Variants in RPAP2 observed in about 807,000 individuals in gnomAD.
RPAP2 encodes putative RNA polymerase II subunit B1 CTD phosphatase RPAP2.
Under a neutral mutation model 73.1 loss-of-function variants are expected in RPAP2, and 52 were observed. The ratio of observed to expected loss-of-function variants is 0.71; its 90% CI spans 0.57 to 0.90. The LOEUF is 0.90. Among genes scored for constraint, RPAP2 ranks in the 40% least tolerant of loss-of-function variants. The pLI, the probability that RPAP2 is intolerant of heterozygous loss-of-function variation, is 0.00. For synonymous variants in RPAP2, 225 were observed against 242.1 expected (o/e 0.93, Z 0.65); for missense variants, 598 against 701.8 (o/e 0.85, Z 1.67).
rs550995977 is a variant in RPAP2, at chr1:92,349,705, A to G, written c.1688+3791A>G. Among the ~76,000 whole-genome samples, 166 of 152,260 alleles carry G rather than the reference A, an allele frequency of 1.1e-3. 1 individual carries two copies. The highest frequency in any genetic ancestry group is 3.3e-3 in the South Asian group (16 of 4,824). The stretch of plus-strand genomic sequence containing the variant: ...CATTTTGGGAGGCTGAGGCAGGAGG[A>G]TTGCTTGAGCCCAGGAGTTGAAGAC... On this transcript the variant is annotated intron_variant, in intron 11 of 12. Transcript: ENST00000610020.
intron 11 of RPAP2, among the ~76,000 whole-genome samples, chr1:92,357,452 G>A (rs1354050333): frequency 6.6e-6 from 1 of 152,216 alleles, no homozygotes; most frequent in African/African-American, 2.4e-5. Flanking sequence ...ACAGATGAGA[G>A]TATTCTAGGA....
intron 10 of RPAP2, among the ~76,000 whole-genome samples, chr1:92,342,398 T>C (rs149836684): frequency 1.3e-5 from 2 of 152,090 alleles, no homozygotes; most frequent in Non-Finnish European, 2.9e-5. Flanking sequence ...AGTAGAGAGA[T>C]ATGTGGTCAG....
Position 92,324,237 on chromosome 1 carries a change from A to G in RPAP2, c.1317A>G (p.Ser439=), listed in dbSNP as rs1164870423. 2 of 1,613,958 alleles carry G rather than the reference A, an allele frequency of 1.2e-6. No homozygotes were observed. Among genetic ancestry groups the G allele is most frequent in the Non-Finnish European group, 1.7e-6 (2 of 1,179,950 alleles). Residue 439 remains serine, a synonymous_variant, in exon 8 of 13, where the codon TCA becomes TCG. Coordinates refer to ENST00000610020, the MANE Select transcript of RPAP2 (RefSeq NM_024813.3). ...SLDESLPFRG[S]GTAIKPLPSY... is the part of the protein sequence containing the mutation. ...ATGAGTCTTTACCTTTTAGGGGCTC[A>G]GGTACAGCCATTAAACCACTGCCAA...
chr1:92,349,280 T>A (rs904867958), intron 11 of RPAP2, among the ~76,000 whole-genome samples: 3 of 152,254 alleles, frequency 2.0e-5, no homozygotes, highest in Admixed American at 6.5e-5. Context: ...GATAATATGT[T>A]CAGTAGAACT....
At chr1:92,365,341 C>T (rs189969523) in intron 11 of RPAP2, among the ~76,000 whole-genome samples, 1 of 152,324 alleles carries the variant, frequency 6.6e-6, no homozygotes, top group Admixed American at 6.5e-5. Context: ...AACACAGCTT[C>T]ACATCAGTTG....
Position 92,390,455 on chromosome 1 carries a change from G to A in RPAP2, c.*3444G>A, listed in dbSNP as rs1262659124. 6.6e-6 allele frequency: 1 copy of A among 152,170 alleles called. No homozygotes were observed. The highest frequency in any genetic ancestry group is 2.4e-5 in the African/African-American group (1 of 41,430). 9.4% of individuals were successfully genotyped at this position (152,170 alleles called of 1,614,324 possible). ...CTGCAAAAACATGCCAAATGGTAAA[G>A]ACCATCAACACTATGAAGAAACTGC... On this transcript the variant is annotated 3_prime_UTR_variant, in exon 13 of 13. Coordinates refer to ENST00000610020, the MANE Select transcript of RPAP2 (RefSeq NM_024813.3).
At position 92,299,079 on chromosome 1, in the gene RPAP2, G is replaced by T; in HGVS notation, c.6G>T (p.Ala2=). The change falls in exon 1 of 13, where the codon GCG becomes GCT. Residue 2 remains alanine (A), a synonymous_variant. Transcript: ENST00000610020. M[A]DFAGPSSAGR... ...CCGGCAGACTACTCTCCCCCATGGC[G>T]GACTTCGCTGGGCCGTCTTCTGCCG... 6.6e-7 allele frequency: 1 copy of T among 1,507,670 alleles called. No individual in the cohort carries two copies. The highest frequency in any genetic ancestry group is 8.9e-7 in the Non-Finnish European group (1 of 1,123,396). The allele number at this position is 1,507,670 out of a possible 1,614,324, so 93.4% of individuals were successfully genotyped here.
At chr1:92,385,606 A>T (rs1032414780) in intron 12 of RPAP2, among the ~76,000 whole-genome samples, 1 of 152,186 alleles carries the variant, frequency 6.6e-6, no homozygotes, top group South Asian at 2.1e-4. Context: ...AGATTTTAAT[A>T]TCTAGTAACC....
At chr1:92,326,771 C>T (rs778091576) in intron 8 of RPAP2, among the ~76,000 whole-genome samples, 2 of 152,224 alleles carry the variant, frequency 1.3e-5, no homozygotes, top group African/African-American at 2.4e-5. Flanking sequence ...AGCTCCCATG[C>T]AACCCAAAAG....
At chr1:92,336,276 A>T in intron 9 of RPAP2, 71 bp from the exon 10 acceptor site, 1 of 988,174 alleles carries the variant, frequency 1.0e-6, no homozygotes, top group East Asian at 2.6e-5. Context: ...GAAAATTCAG[A>T]TCTAGGCATG....
intron 8 of RPAP2, chr1:92,333,184 C>G: frequency 2.0e-6 from 1 of 504,172 alleles, no homozygotes. Context: ...AAAACTGACT[C>G]TCCAAAGAGG....
At chr1:92,354,979 A>G (rs1356242543) in intron 11 of RPAP2, among the ~76,000 whole-genome samples, 1 of 151,204 alleles carries the variant, frequency 6.6e-6, no homozygotes, top group African/African-American at 2.4e-5. Context: ...GCTCATTGCA[A>G]TCTCTGCCTC....
At chr1:92,361,512 A>T (rs1363802805) in intron 11 of RPAP2, among the ~76,000 whole-genome samples, 1 of 152,176 alleles carries the variant, frequency 6.6e-6, no homozygotes, top group Non-Finnish European at 1.5e-5. Flanking sequence ...AAACAAAAAT[A>T]GTTGCTTACT....
At chr1:92,355,965 G>A (rs1192218989) in intron 11 of RPAP2, among the ~76,000 whole-genome samples, 2 of 152,122 alleles carry the variant, frequency 1.3e-5, no homozygotes, top group African/African-American at 2.4e-5. Context: ...AAAGGAGAAC[G>A]TGGAGTGGTT....
chr1:92,362,488 G>T (rs1038467810), intron 11 of RPAP2, among the ~76,000 whole-genome samples: 4 of 152,114 alleles, frequency 2.6e-5, no homozygotes, highest in South Asian at 2.1e-4. Flanking sequence ...CCCACCATTC[G>T]CTTTGAATGA....
In RPAP2 at chr1:92,395,537, G is replaced by A. The variant is rs1456943933; in HGVS notation, c.*8526G>A. On this transcript the variant is annotated 3_prime_UTR_variant, in exon 13 of 13. Transcript: ENST00000610020. The stretch of plus-strand genomic sequence containing the variant: ...TGTAGTCCTGGCTACTCAGAAGGCT[G>A]AGGTGGGAGGATCTCTTGACCCTGG... 6.6e-6 allele frequency: 1 copy of A among 151,278 alleles called. No individual in the cohort carries two copies. Among genetic ancestry groups the A allele is most frequent in the Non-Finnish European group, 1.5e-5 (1 of 67,970 alleles). 9.4% of individuals were successfully genotyped at this position (151,278 alleles called of 1,614,324 possible). A position where few individuals can be genotyped will look rare whatever the true frequency, so the allele number is the denominator to read the frequency against.
intron 11 of RPAP2, among the ~76,000 whole-genome samples, chr1:92,372,586 A>C (rs950633137): frequency 6.6e-6 from 1 of 151,924 alleles, no homozygotes; most frequent in African/African-American, 2.4e-5. Flanking sequence ...GGGGAGGGGG[A>C]ATGAAGAAAA....
At chr1:92,366,231 A>G (rs1654928934) in intron 11 of RPAP2, among the ~76,000 whole-genome samples, 1 of 152,144 alleles carries the variant, frequency 6.6e-6, no homozygotes, top group South Asian at 2.1e-4. Flanking sequence ...TGAGCCCAGG[A>G]GTTTGAGGCT....
rs1656089439 is a variant in RPAP2 at position 92,392,819 on chromosome 1, G to A, written c.*5808G>A. 1 of 150,934 alleles carries A rather than the reference G, an allele frequency of 6.6e-6. No individual in the cohort carries two copies. Among genetic ancestry groups the A allele is most frequent in the African/African-American group, 2.4e-5 (1 of 41,268 alleles). The allele number at this position is 150,934 out of a possible 1,614,324, so 9.3% of individuals were successfully genotyped here. A position where few individuals can be genotyped will look rare whatever the true frequency, so the allele number is the denominator to read the frequency against. On this transcript the variant is annotated 3_prime_UTR_variant, in exon 13 of 13. Transcript: ENST00000610020. The stretch of plus-strand genomic sequence containing the variant: ...AAATAAAATACAAAGCACTGCTCAA[G>A]GAAATAAGAGAGGACACAAACAAAT...
Sources: allele counts gnomAD v4.1 joint callset (sites outside exome capture counted in the v4.1 genomes callset), GRCh38; gene constraint gnomAD v4.1.1; transcripts MANE v1.5; gene names NCBI Gene and HGNC (gene_info 2026-07-23, HGNC 2026-07-21).